The following NAV3 variants were observed in gnomAD, a reference collection of about 807,000 sequenced individuals.
NAV3 encodes the protein neuron navigator 3, also known as pore membrane and/or filament interacting like protein 1.
Under a neutral mutation model 244.7 loss-of-function variants are expected in NAV3, and 87 were observed. The ratio of observed to expected loss-of-function variants is 0.36; its 90% CI spans 0.30 to 0.42. The LOEUF is 0.42. Ranked by LOEUF, NAV3 falls within the 20% of genes least tolerant of loss-of-function variation. NAV3 has a pLI of 1.00. For missense variants in NAV3, 2,663 were observed against 2,893.3 expected, an observed-to-expected ratio of 0.92 and a Z score of 1.83; for synonymous variants, 1,126 against 1,042.2, an observed-to-expected ratio of 1.08 and a Z score of -1.55.
intron 1 of NAV3, among the ~76,000 whole-genome samples, chr12:77,849,691 A>G (rs1402772607): frequency 6.6e-6 from 1 of 152,164 alleles, no homozygotes; most frequent in East Asian, 1.9e-4. Flanking sequence ...GAAAACTCAA[A>G]ATTAGAAGCA....
At chr12:77,765,893 TAAAAG>T (rs1237625935) in intron 2 of NAV3, among the ~76,000 whole-genome samples, 2 of 151,660 alleles carry the variant, frequency 1.3e-5, no homozygotes, top group Non-Finnish European at 2.9e-5. Flanking sequence ...AAATATATAA[TAAAAG>T]AGGAGGGAGT....
intron 2 of NAV3, among the ~76,000 whole-genome samples, chr12:77,744,762 AT>A (rs560668466): frequency 0.019 from 2,824 of 148,316 alleles, 21 homozygotes; most frequent in Middle Eastern, 0.024. Flanking sequence ...ATGTGGTTTG[AT>A]TTTTTTTTTT....
intron 2 of NAV3, among the ~76,000 whole-genome samples, chr12:77,762,659 G>T (rs886846691): frequency 6.6e-6 from 1 of 152,080 alleles, no homozygotes; most frequent in African/African-American, 2.4e-5. Flanking sequence ...AGGGATCGTT[G>T]TTATAAAGTT....
At chr12:78,197,913 A>G (rs955291178) in intron 35 of NAV3, among the ~76,000 whole-genome samples, 2 of 151,882 alleles carry the variant, frequency 1.3e-5, no homozygotes, top group African/African-American at 4.8e-5. Flanking sequence ...AGTTCATATT[A>G]AAGTTTAAAT....
chr12:77,643,652 G>A (rs1019999208), intron 2 of NAV3, among the ~76,000 whole-genome samples: 5 of 151,632 alleles, frequency 3.3e-5, no homozygotes, highest in African/African-American at 9.7e-5. Context: ...ATTATTAAAA[G>A]TTCATTTATA....
chr12:78,171,416 A>G (rs1214766605), intron 24 of NAV3, among the ~76,000 whole-genome samples: 1 of 151,686 alleles, frequency 6.6e-6, no homozygotes, highest in Non-Finnish European at 1.5e-5. Flanking sequence ...ACAGAAATTG[A>G]AAAATTGGAA....
intron 12 of NAV3, among the ~76,000 whole-genome samples, chr12:78,090,472 A>C (rs2137999393): frequency 6.6e-6 from 1 of 152,214 alleles, no homozygotes; most frequent in East Asian, 1.9e-4. Context: ...ATGTCACCAC[A>C]GAAACTTTGT....
chr12:77,843,681 G>A (rs1876112682), intron 1 of NAV3, among the ~76,000 whole-genome samples: 1 of 151,828 alleles, frequency 6.6e-6, no homozygotes. Flanking sequence ...AGCTTTTACT[G>A]TAGGTCTGGA....
At chr12:78,018,485 T>C (rs1190836918) in intron 8 of NAV3, among the ~76,000 whole-genome samples, 1 of 152,206 alleles carries the variant, frequency 6.6e-6, no homozygotes, top group Non-Finnish European at 1.5e-5. Context: ...CAGACTTTCT[T>C]AGATGGAGAT....
intron 1 of NAV3, among the ~76,000 whole-genome samples, chr12:77,918,344 A>G (rs1887366588): frequency 6.6e-6 from 1 of 151,946 alleles, no homozygotes; most frequent in Non-Finnish European, 1.5e-5. Context: ...ATAAAGAAAA[A>G]CCGCTTGGCT....
chr12:77,682,958 G>C (rs1410707650), intron 2 of NAV3, among the ~76,000 whole-genome samples: 1 of 151,952 alleles, frequency 6.6e-6, no homozygotes, highest in Non-Finnish European at 1.5e-5. Flanking sequence ...CTTCCATTTT[G>C]CAGATTGTCT....
At chr12:77,635,650 C>A (rs1165127523) in intron 2 of NAV3, among the ~76,000 whole-genome samples, 1 of 151,990 alleles carries the variant, frequency 6.6e-6, no homozygotes, top group Non-Finnish European at 1.5e-5. Context: ...TGAAGAGGCA[C>A]CTTAAAAATT....
At chr12:78,143,370 C>A (rs1258816086) in intron 20 of NAV3, 1 of 448,240 alleles carries the variant, frequency 2.2e-6, no homozygotes, top group South Asian at 1.6e-5. Flanking sequence ...GTGGCTCATG[C>A]CGGTAATCTC....
chr12:78,155,938 A>G (rs1957287848), intron 22 of NAV3, among the ~76,000 whole-genome samples: 6 of 152,082 alleles, frequency 3.9e-5, no homozygotes, highest in Admixed American at 3.9e-4. Flanking sequence ...ATGTTCTCCC[A>G]TTCTGCAGAT....
At chr12:78,115,017 G>A (rs975037463) in intron 12 of NAV3, among the ~76,000 whole-genome samples, 5 of 152,158 alleles carry the variant, frequency 3.3e-5, no homozygotes, top group African/African-American at 1.2e-4. Context: ...GACTTCATAT[G>A]TGATCTAAAT....
intron 22 of NAV3, among the ~76,000 whole-genome samples, chr12:78,153,342 CAGAG>C (rs1256701075): frequency 1.3e-5 from 2 of 151,992 alleles, no homozygotes; most frequent in Admixed American, 6.6e-5. Flanking sequence ...TTGTTCTGAA[CAGAG>C]CTGCATAAAA....
At chr12:77,869,366 G>A (rs1309296204) in intron 1 of NAV3, among the ~76,000 whole-genome samples, 1 of 152,138 alleles carries the variant, frequency 6.6e-6, no homozygotes, top group Non-Finnish European at 1.5e-5. Flanking sequence ...ATTGAAAAAT[G>A]TGTTATGGAA....
intron 22 of NAV3, among the ~76,000 whole-genome samples, chr12:78,158,344 G>C (rs1233123457): frequency 6.6e-6 from 1 of 152,162 alleles, no homozygotes; most frequent in Non-Finnish European, 1.5e-5. Flanking sequence ...GCCGTGGTGA[G>C]AGATTGAAGT....
intron 1 of NAV3, among the ~76,000 whole-genome samples, chr12:77,849,685 A>T (rs918140131): frequency 6.6e-6 from 1 of 152,148 alleles, no homozygotes; most frequent in Non-Finnish European, 1.5e-5. Flanking sequence ...TGAAAAGAAA[A>T]CTCAAAATTA....
Sources: allele counts gnomAD v4.1 joint callset (sites outside exome capture counted in the v4.1 genomes callset), GRCh38; gene constraint gnomAD v4.1.1; transcripts MANE v1.5; gene names NCBI Gene and HGNC (gene_info 2026-07-23, HGNC 2026-07-21).